Variants in FLG observed in about 807,000 individuals in gnomAD.
FLG encodes the protein filaggrin.
A neutral mutation model predicts 3.8 loss-of-function variants in FLG; 6 were observed. That is an observed-to-expected ratio of 1.60 (90% CI 0.87 to 3.15). FLG has a LOEUF of 3.15. Ranked by LOEUF, FLG falls within the 30% of genes most tolerant of loss-of-function variation. FLG has a pLI of 0.00. For synonymous variants in FLG, 2,551 were observed against 1,931.6 expected (o/e 1.32, Z -8.41); for missense variants, 7,595 against 5,050.9 (o/e 1.50, Z -15.27).
In FLG at chr1:152,312,579, A is replaced by C. The variant is rs753053770; in HGVS notation, c.2307T>G (p.Gly769=). ...ACTCTTGGTGGCTCTGCTGATGGTG[A>C]CCAGCCTGTCCATGGCCTGACACTG... ...TQSVSGHGQA[G]HHQQSHQESA... Residue 769 remains glycine (G), a synonymous_variant, in exon 3 of 3, where the codon GGT becomes GGG. Transcript: ENST00000368799. The C allele has an allele frequency of 7.7e-5, 125 of 1,612,956 alleles. No individual in the cohort carries two copies. Among genetic ancestry groups the C allele is most frequent in the Non-Finnish European group, 9.9e-5 (117 of 1,179,788 alleles).
At position 152,314,527 on chromosome 1, in the gene FLG, T is replaced by C; in HGVS notation, c.359A>G (p.Glu120Gly). ...HEDNKQEENK[E>G]NRKRPSSLER... ...CAGACTTGAGGGTCTTTTTCTGTTT[T>C]CTTTGTTTTCTTCCTGTTTATTATC... The change falls in exon 3 of 3, where the codon GAA becomes GGA. Residue 120 changes from glutamate (E) to glycine (G), a missense_variant. Glu to Gly is a moderately conservative substitution (Grantham distance 98). Coordinates refer to ENST00000368799, the MANE Select transcript of FLG (RefSeq NM_002016.2). 1.2e-6 allele frequency: 2 copies of C among 1,613,946 alleles called. No individual in the cohort carries two copies. Among genetic ancestry groups the C allele is most frequent in the Middle Eastern group, 1.7e-4 (1 of 6,060 alleles).
At position 152,303,161 on chromosome 1, in the gene FLG, T is replaced by C. The variant is rs773854923; in HGVS notation, c.11725A>G (p.Thr3909Ala). 1.3e-5 allele frequency: 21 copies of C among 1,614,074 alleles called. No homozygotes were observed. The highest frequency in any genetic ancestry group is 1.7e-5 in the Non-Finnish European group (20 of 1,180,046). Residue 3909 changes from threonine (T) to alanine (A), a missense_variant, in exon 3 of 3, where the codon ACA becomes GCA. Thr to Ala is a moderately conservative substitution (Grantham distance 58, BLOSUM62 0). Coordinates refer to ENST00000368799, the MANE Select transcript of FLG (RefSeq NM_002016.2). ...GGTGAAGACTGTACATGACTGGCTG[T>C]ATCGCGGTGAGAGGATCCGGGGTGT... ...SRHPGSSHRDTASHVQSSPVQ... is the reference protein window; with the variant it reads ...SRHPGSSHRDAASHVQSSPVQ...
At chr1:152,321,926 A>G (rs3120661) in intron 1 of FLG, among the ~76,000 whole-genome samples, 55,519 of 150,902 alleles carry the variant, frequency 0.37, 14,426 homozygotes, top group African/African-American at 0.7. Flanking sequence ...TGAATTCAGT[A>G]GTATATAAAA....
rs145939718 is a variant in FLG at position 152,311,813 on chromosome 1, C to T, written c.3073G>A (p.Ala1025Thr). The change falls in exon 3 of 3, where the codon GCA becomes ACA. Residue 1025 changes from alanine to threonine, a missense_variant. Coordinates refer to ENST00000368799, the MANE Select transcript of FLG (RefSeq NM_002016.2). ...GGQAASSHEQ[A>T]RSSPGERHGS... Reference sequence around the variant, plus strand: ...TGTCTTTCTCCTGGACTTGATCTTGCCTGTTCATGGGATGACGCAGCCTGT... The same window carrying T: ...TGTCTTTCTCCTGGACTTGATCTTGTCTGTTCATGGGATGACGCAGCCTGT... 2.6e-3 allele frequency: 4,224 copies of T among 1,614,022 alleles called. 14 individuals are homozygous for T. Among genetic ancestry groups the T allele is most frequent in the Non-Finnish European group, 3.2e-3 (3,798 of 1,179,990 alleles).
At position 152,310,569 on chromosome 1, in the gene FLG, C is replaced by T; in HGVS notation, c.4317G>A (p.Arg1439=). The change falls in exon 3 of 3, where the codon AGG becomes AGA. Residue 1439 remains arginine, a synonymous_variant. Transcript: ENST00000368799. ...GQSGESSGRS[R]SFLYQVSSHE... ...GAGAGCTCACCTGGTAGAGGAAAGA[C>T]CTTGAACGTCCAGAGCTTTCCCCTG... 3 of 1,613,776 alleles carry T rather than the reference C, an allele frequency of 1.9e-6. No homozygotes were observed. The highest frequency in any genetic ancestry group is 2.5e-6 in the Non-Finnish European group (3 of 1,179,924).
Position 152,303,424 on chromosome 1 carries a change from T to C in FLG, c.11462A>G (p.Asp3821Gly). 1.9e-6 allele frequency: 3 copies of C among 1,614,042 alleles called. No individual in the cohort carries two copies. Among genetic ancestry groups the C allele is most frequent in the Non-Finnish European group, 2.5e-6 (3 of 1,180,024 alleles). ...RETRNEEQSG[D>G]GSRHSGSRHH... Reference sequence around the variant, plus strand: ...ACGCGACCCTGAGTGCCTGGAGCCGTCTCCTGACTGTTCCTCATTACGTGT... The same window carrying C: ...ACGCGACCCTGAGTGCCTGGAGCCGCCTCCTGACTGTTCCTCATTACGTGT... Residue 3821 changes from aspartate to glycine, a missense_variant, in exon 3 of 3, where the codon GAC becomes GGC. Asp to Gly is a moderately conservative substitution (Grantham distance 94, BLOSUM62 -1). Transcript: ENST00000368799.
Position 152,303,619 on chromosome 1 carries a change from T to C in FLG, c.11267A>G (p.Asp3756Gly). ...TGACCCCGGGTGTCCACGAATGGTGTCCTGACCCTCTTGGGACGCTGAGTG... is the reference window on the plus strand; with the variant it reads ...TGACCCCGGGTGTCCACGAATGGTGCCCTGACCCTCTTGGGACGCTGAGTG... The part of the protein sequence containing the change: ...SRHSASQEGQ[D>G]TIRGHPGSRR... The change falls in exon 3 of 3, where the codon GAC becomes GGC. Residue 3756 changes from aspartate to glycine, a missense_variant. Physicochemically the swap from Asp to Gly is moderately conservative, Grantham distance 94. Transcript: ENST00000368799. 1.2e-6 allele frequency: 2 copies of C among 1,613,504 alleles called. No individual in the cohort carries two copies. The highest frequency in any genetic ancestry group is 2.2e-5 in the South Asian group (2 of 91,064).
rs144524483 is a variant in FLG at position 152,307,108 on chromosome 1, C to G, written c.7778G>C (p.Gly2593Ala). The G allele has an allele frequency of 2.9e-5, 46 of 1,611,178 alleles. No individual in the cohort carries two copies. The Middle Eastern group carries it at 4.9e-4, about 17-fold the overall frequency. The change falls in exon 3 of 3, where the codon GGA becomes GCA. Residue 2593 changes from glycine (G) to alanine (A), a missense_variant. Physicochemically the swap from Gly to Ala is moderately conservative, Grantham distance 60. Coordinates refer to ENST00000368799, the MANE Select transcript of FLG (RefSeq NM_002016.2). ...WSGSASRNHH[G>A]SAQEQLRDGS... is the part of the protein sequence containing the mutation. ...ATCTCTTAGCTGCTCCTGAGCAGAT[C>G]CATGATGGTTTCTGGAAGCAGACCC...
Position 152,306,267 on chromosome 1 carries a change from T to G in FLG, c.8619A>C (p.Ala2873=), listed in dbSNP as rs374227999. 6.2e-7 allele frequency: 1 copy of G among 1,604,932 alleles called. No homozygotes were observed. The highest frequency in any genetic ancestry group is 2.2e-5 in the East Asian group (1 of 44,892). Residue 2873 remains alanine, a synonymous_variant, in exon 3 of 3, where the codon GCA becomes GCC. Transcript: ENST00000368799. ...TGGACCCCTCTGATTGTCCCTGGAC[T>G]GCCTGTGAGTGTCTAGAGATGTCGG... ...THADISRHSQ[A]VQGQSEGSRR... is the part of the protein sequence containing the mutation.
chr1:152,310,613 C>T lies in FLG; in HGVS notation c.4273G>A (p.Glu1425Lys), dbSNP rs1274759123. The T allele has an allele frequency of 3.1e-6, 5 of 1,613,888 alleles. No homozygotes were observed. Among genetic ancestry groups the T allele is most frequent in the Non-Finnish European group, 4.2e-6 (5 of 1,180,002 alleles). The part of the protein sequence containing the change: ...QAGPHQQSHK[E>K]SARGQSGESS... ...TCCCCTGACTGGCCACGTGCGGACT[C>T]TTTGTGGCTCTGCTGATGGGGCCCA... The change falls in exon 3 of 3, where the codon GAG becomes AAG. Residue 1425 changes from glutamate (E) to lysine (K), a missense_variant. By Grantham distance (56) the Glu-to-Lys change is moderately conservative (BLOSUM62 1). Transcript: ENST00000368799.
Position 152,308,574 on chromosome 1 carries a change from A to T in FLG, c.6312T>A (p.His2104Gln). ...VSTHEQSEST[H>Q]GQSAPSTGGR... ...CTCCAGTGCTGGGCGCAGACTGTCC[A>T]TGGGTGGACTCAGACTGTTCATGAG... The change falls in exon 3 of 3, where the codon CAT (histidine) becomes CAA (glutamine). Residue 2104 changes from histidine to glutamine, a missense_variant. Transcript: ENST00000368799. 1.2e-6 allele frequency: 2 copies of T among 1,614,034 alleles called. No homozygotes were observed. Among genetic ancestry groups the T allele is most frequent in the South Asian group, 2.2e-5 (2 of 91,074 alleles).
intron 2 of FLG, 55 bp from the exon 3 acceptor site, chr1:152,314,802 G>A: frequency 6.2e-7 from 1 of 1,605,866 alleles, no homozygotes; most frequent in Admixed American, 1.7e-5. Flanking sequence ...CACATTATCA[G>A]CCAATTAATT....
chr1:152,307,101 A>C lies in FLG; in HGVS notation c.7785T>G (p.Ala2595=). 11 of 1,610,670 alleles carry C rather than the reference A, an allele frequency of 6.8e-6. No homozygotes were observed. The highest frequency in any genetic ancestry group is 9.3e-6 in the Non-Finnish European group (11 of 1,179,646). The change falls in exon 3 of 3, where the codon GCT becomes GCG. Residue 2595 remains alanine (A), a synonymous_variant. Coordinates refer to ENST00000368799, the MANE Select transcript of FLG (RefSeq NM_002016.2). Reference sequence around the variant, plus strand: ...TGGAGCCATCTCTTAGCTGCTCCTGAGCAGATCCATGATGGTTTCTGGAAG... The same window carrying C: ...TGGAGCCATCTCTTAGCTGCTCCTGCGCAGATCCATGATGGTTTCTGGAAG... The part of the protein sequence containing the change: ...GSASRNHHGS[A]QEQLRDGSRH...
Position 152,309,340 on chromosome 1 carries a change from T to A in FLG, c.5546A>T (p.Gln1849Leu), listed in dbSNP as rs1652224012. 1 of 1,613,790 alleles carries A rather than the reference T, an allele frequency of 6.2e-7. No individual in the cohort carries two copies. The highest frequency in any genetic ancestry group is 8.5e-7 in the Non-Finnish European group (1 of 1,180,002). The change falls in exon 3 of 3, where the codon CAG (glutamine) becomes CTG (leucine). Residue 1849 changes from glutamine to leucine, a missense_variant. Gln to Leu is a moderately radical substitution (Grantham distance 113, BLOSUM62 -2). Transcript: ENST00000368799. ...CCCACGGGAGACATCAGACCTTTCC[T>A]GGGACGTGGTGTGGCTGTGATGAGA... ...SGSHHSHTTS[Q>L]ERSDVSRGQS...
Position 152,309,877 on chromosome 1 carries a change from TG to T in FLG, c.5008del (p.Gln1670ArgfsTer36), listed in dbSNP as rs774573308. On this transcript the variant is annotated frameshift_variant, in exon 3 of 3. Transcript: ENST00000368799. LOFTEE classifies it low-confidence loss of function (END_TRUNC). ...TSSGGQAASS[Q>X]EQARSSPGER... ...TCCTGGACTTGACCTTGCCTGTTCC[TG>T]GGATGATGCAGCCTGTCCACCAGAG... is the stretch of plus-strand genomic sequence containing the variant. 1.2e-6 allele frequency: 2 copies of T among 1,614,120 alleles called. No individual in the cohort carries two copies. Among genetic ancestry groups the T allele is most frequent in the Non-Finnish European group, 1.7e-6 (2 of 1,180,020 alleles).
rs138096455 is a variant in FLG at position 152,305,266 on chromosome 1, C to G, written c.9620G>C (p.Arg3207Thr). 770 of 1,612,284 alleles carry G rather than the reference C, an allele frequency of 4.8e-4. 13 individuals carry two copies. In the African/African-American group the frequency reaches 5.2e-3, roughly 11 times the overall value. ...AVQGQSEGSR[R>T]SRRQGSSVSQ... ...CACACTGGATCCCTGGCGCCTGCTT[C>G]TCCTGGACCCCTCTGATTGTCCCTG... Residue 3207 changes from arginine to threonine, a missense_variant, in exon 3 of 3, where the codon AGA becomes ACA. Arg to Thr is a moderately conservative substitution (Grantham distance 71). Transcript: ENST00000368799.
chr1:152,307,474 C>T lies in FLG; in HGVS notation c.7412G>A (p.Gly2471Glu). The T allele has an allele frequency of 1.2e-6, 2 of 1,613,244 alleles. No homozygotes were observed. Among genetic ancestry groups the T allele is most frequent in the Non-Finnish European group, 1.7e-6 (2 of 1,179,720 alleles). Residue 2471 changes from glycine (G) to glutamate (E), a missense_variant, in exon 3 of 3, where the codon GGA becomes GAA. Coordinates refer to ENST00000368799, the MANE Select transcript of FLG (RefSeq NM_002016.2). ...CTCGTAGTGGGATCCCTGCCTTCCT[C>T]CACTGCTTGACCCCGGGTGTCCATG... ...TIHGHPGSSS[G>E]GRQGSHYEQL...
intron 2 of FLG, 123 bp downstream of exon 2, chr1:152,315,196 G>T (rs1294338597): frequency 2.4e-5 from 23 of 968,794 alleles, no homozygotes; most frequent in Non-Finnish European, 3.0e-5. Context: ...TCTCTTTTGA[G>T]ACAAGATTAA....
chr1:152,325,147 G>C (rs1009065167), intron 1 of FLG, 42 bp downstream of exon 1: 1 of 151,776 alleles, frequency 6.6e-6, no homozygotes, highest in East Asian at 1.9e-4. Context: ...TTTCCACCTT[G>C]GTTAATAGTA....
Sources: allele counts gnomAD v4.1 joint callset (sites outside exome capture counted in the v4.1 genomes callset), GRCh38; gene constraint gnomAD v4.1.1; transcripts MANE v1.5; gene names NCBI Gene and HGNC (gene_info 2026-07-23, HGNC 2026-07-21).